RBFOX2: variants seen among roughly 807,000 people sequenced by gnomAD.
The protein encoded by RBFOX2 is RNA binding fox-1 homolog 2.
In RBFOX2, 10 loss-of-function variants were observed where a neutral mutation model predicts 49.1. The ratio of observed to expected loss-of-function variants is 0.20; its 90% confidence interval spans 0.13 to 0.35. The LOEUF (loss-of-function observed/expected upper bound fraction) is 0.35, where lower values mean the gene tolerates loss of function less well. RBFOX2 is among the 10% of genes least tolerant of loss of function. The pLI, the probability that RBFOX2 is intolerant of heterozygous loss-of-function variation, is 1.00. For missense variants in RBFOX2, 323 were observed against 486.9 expected (o/e 0.66, Z 3.17); for synonymous variants, 183 against 187.4 (o/e 0.98, Z 0.19).
In RBFOX2 at chr22:36,020,080, A is replaced by G. The variant is rs889670803; in HGVS notation, c.186+8160T>C. On this transcript the variant is annotated intron_variant, in intron 1 of 13. Coordinates refer to the RBFOX2 transcript ENST00000438146. ...ACCAATGGAACAGAACAGAGCCCTCAGAAATAATACCACACATCTACAACC... is the reference window on the plus strand; with the variant it reads ...ACCAATGGAACAGAACAGAGCCCTCGGAAATAATACCACACATCTACAACC... Among the ~76,000 whole-genome samples, 9 of 152,254 alleles carry G rather than the reference A, an allele frequency of 5.9e-5. No homozygotes were observed. The South Asian group carries it at 1.9e-3, about 31-fold the overall frequency.
chr22:35,868,729 T>C (rs1441262593), intron 1 of RBFOX2, among the ~76,000 whole-genome samples: 4 of 152,230 alleles, frequency 2.6e-5, no homozygotes, highest in Non-Finnish European at 4.4e-5. Context: ...TTGCAAAATG[T>C]TGTAAATACG....
chr22:35,740,587 T>G (rs1176415350), exon 12 of RBFOX2: 2 of 152,620 alleles, frequency 1.3e-5, no homozygotes, highest in African/African-American at 4.8e-5. Flanking sequence ...TCTGCAAATG[T>G]TACTGCGCTA....
In RBFOX2 at chr22:36,001,036, T is replaced by C. The variant is rs914671262; in HGVS notation, c.186+27204A>G. Among the ~76,000 whole-genome samples, 5 of 152,166 alleles carry C rather than the reference T, an allele frequency of 3.3e-5. No individual in the cohort carries two copies. In the East Asian group the frequency reaches 7.7e-4, roughly 23 times the overall value. ...ATAGCATCAAAACTAAACCCAAGGTTTTCCCATTAAAGTACTAAAGGAAAG... is the reference window on the plus strand; with the variant it reads ...ATAGCATCAAAACTAAACCCAAGGTCTTCCCATTAAAGTACTAAAGGAAAG... On this transcript the variant is annotated intron_variant, in intron 1 of 13. Transcript: ENST00000438146.
At chr22:35,840,276 C>T in exon 1 of RBFOX2, 1 of 1,614,052 alleles carries the variant, frequency 6.2e-7, no homozygotes, top group South Asian at 1.1e-5. Context: ...CACACCTCCA[C>T]AGCTTTCTTT....
At chr22:35,761,699 G>A (rs529599558) in intron 6 of RBFOX2, among the ~76,000 whole-genome samples, 18 of 152,128 alleles carry the variant, frequency 1.2e-4, no homozygotes, top group Non-Finnish European at 1.8e-4. Flanking sequence ...TCATGATGTT[G>A]GGAGGAGGAA....
intron 1 of RBFOX2, among the ~76,000 whole-genome samples, chr22:35,934,560 T>C (rs1331187045): frequency 6.6e-6 from 1 of 152,202 alleles, no homozygotes; most frequent in Non-Finnish European, 1.5e-5. Context: ...GGTCACCTTA[T>C]TTATAACAGA....
At chr22:35,971,358 G>A (rs2056860726) in intron 1 of RBFOX2, among the ~76,000 whole-genome samples, 1 of 152,024 alleles carries the variant, frequency 6.6e-6, no homozygotes, top group Admixed American at 6.6e-5. Flanking sequence ...CAAGTGTGCA[G>A]GATTCAAAAA....
At chr22:35,904,106 C>T (rs2048878511) in intron 1 of RBFOX2, among the ~76,000 whole-genome samples, 1 of 152,110 alleles carries the variant, frequency 6.6e-6, no homozygotes, top group South Asian at 2.1e-4. Flanking sequence ...TTCCCTCTTT[C>T]TGAAATCCCT....
At chr22:35,932,463 A>C (rs1569497318) in intron 1 of RBFOX2, among the ~76,000 whole-genome samples, 1 of 152,254 alleles carries the variant, frequency 6.6e-6, no homozygotes, top group Non-Finnish European at 1.5e-5. Context: ...TTGTCAACTT[A>C]AGCATCTCCT....
At chr22:35,933,926 T>TTATATATATATATATATATATA (rs3075245) in intron 1 of RBFOX2, among the ~76,000 whole-genome samples, 2 of 118,020 alleles carry the variant, frequency 1.7e-5, no homozygotes, top group African/African-American at 7.9e-5. Flanking sequence ...TAATTAAATG[T>TTATATATATATATATATATATA]TATATATATA....
At chr22:35,789,868 CT>C (rs953038270) in intron 2 of RBFOX2, among the ~76,000 whole-genome samples, 40 of 152,084 alleles carry the variant, frequency 2.6e-4, no homozygotes, top group African/African-American at 9.2e-4. Context: ...CTATTCAGGA[CT>C]TAAGAGTTGA....
intron 1 of RBFOX2, among the ~76,000 whole-genome samples, chr22:35,869,915 G>A (rs1020205482): frequency 5.9e-5 from 9 of 152,102 alleles, no homozygotes; most frequent in East Asian, 1.9e-4. Flanking sequence ...AGAATAGCAC[G>A]TACAACCTAC....
chr22:36,014,961 T>C (rs1603467328), intron 1 of RBFOX2, among the ~76,000 whole-genome samples: 1 of 152,264 alleles, frequency 6.6e-6, no homozygotes, highest in Non-Finnish European at 1.5e-5. Flanking sequence ...AGCTCAGAGC[T>C]AAAATGCTGC....
chr22:35,828,391 G>A (rs1956183034), intron 1 of RBFOX2, among the ~76,000 whole-genome samples: 1 of 152,158 alleles, frequency 6.6e-6, no homozygotes, highest in Non-Finnish European at 1.5e-5. Context: ...AACCTGGTGG[G>A]TTCCATGAAT....
At chr22:35,826,872 G>A (rs1248504938) in intron 1 of RBFOX2, among the ~76,000 whole-genome samples, 1 of 152,140 alleles carries the variant, frequency 6.6e-6, no homozygotes, top group Non-Finnish European at 1.5e-5. Flanking sequence ...TTACGTGAAT[G>A]TGGCCTCCTT....
intron 1 of RBFOX2, among the ~76,000 whole-genome samples, chr22:36,024,585 A>T (rs2059360925): frequency 6.6e-6 from 1 of 151,830 alleles, no homozygotes; most frequent in East Asian, 2.0e-4. Context: ...TACTATAAAT[A>T]CAAAAATTAG....
intron 3 of RBFOX2, among the ~76,000 whole-genome samples, chr22:35,779,703 T>C (rs1944698071): frequency 6.6e-6 from 1 of 152,238 alleles, no homozygotes; most frequent in Non-Finnish European, 1.5e-5. Context: ...GTCAAGTTTA[T>C]GAAGCTAATG....
At chr22:35,936,542 T>C (rs1315636262) in intron 1 of RBFOX2, among the ~76,000 whole-genome samples, 2 of 152,176 alleles carry the variant, frequency 1.3e-5, no homozygotes, top group African/African-American at 4.8e-5. Flanking sequence ...ATTTGCACAC[T>C]CTAAGATCTC....
intron 1 of RBFOX2, among the ~76,000 whole-genome samples, chr22:35,827,335 G>GA: frequency 6.6e-6 from 1 of 152,118 alleles, no homozygotes; most frequent in Non-Finnish European, 1.5e-5. Context: ...TAATACATAG[G>GA]AAAAAAGGAT....
Sources: gnomAD v4.1 joint callset for allele counts (sites outside exome capture counted in the v4.1 genomes callset) on GRCh38, gnomAD v4.1.1 for gene constraint, MANE v1.5 for transcripts, NCBI Gene and HGNC (gene_info 2026-07-23, HGNC 2026-07-21) for gene names.